CDH1: variants seen among roughly 807,000 people sequenced by gnomAD.
CDH1 encodes the protein cadherin-1.
In CDH1, 35 loss-of-function variants were observed where a neutral mutation model predicts 84.5. That is an observed-to-expected ratio of 0.41 (90% CI 0.32 to 0.55). The LOEUF is 0.55. Ranked by LOEUF, CDH1 falls within the 20% of genes least tolerant of loss-of-function variation. The pLI, the probability that CDH1 is intolerant of heterozygous loss-of-function variation, is 0.19. For missense variants in CDH1, 994 were observed against 1,126.6 expected, an observed-to-expected ratio of 0.88 and a Z score of 1.68; for synonymous variants, 417 against 439.0, an observed-to-expected ratio of 0.95 and a Z score of 0.63.
chr16:68,787,151 T>C (rs1960075288), intron 2 of CDH1, among the ~76,000 whole-genome samples: 1 of 152,214 alleles, frequency 6.6e-6, no homozygotes, highest in Admixed American at 6.5e-5. Context: ...GTGTTTTTTA[T>C]AGAGAATAAA....
In CDH1 at chr16:68,808,888, T is replaced by C. The variant is rs764129221; in HGVS notation, c.687+40T>C. 4 of 1,608,656 alleles carry C rather than the reference T, an allele frequency of 2.5e-6. No individual in the cohort carries two copies. The South Asian group carries it at 3.3e-5, about 13-fold the overall frequency. On this transcript the variant is annotated intron_variant, in intron 5 of 15. Transcript: ENST00000261769. ...GAAGCTTGTTGACACCGGGGTAACA[T>C]CCACCCAGGATTTTTTGGTCAACCC... is the stretch of plus-strand genomic sequence containing the variant.
intron 15 of CDH1, among the ~76,000 whole-genome samples, chr16:68,831,457 C>G (rs1961482588): frequency 6.6e-6 from 1 of 151,896 alleles, no homozygotes; most frequent in African/African-American, 2.4e-5. Flanking sequence ...AGTGATCAAG[C>G]CACATTCATT....
chr16:68,753,105 C>T (rs1047185717), intron 2 of CDH1, among the ~76,000 whole-genome samples: 13 of 147,468 alleles, frequency 8.8e-5, no homozygotes, highest in East Asian at 4.3e-4. Flanking sequence ...CCCAGCACTT[C>T]GGGAGGCCGA....
At chr16:68,820,508 G>A (rs775125672) in intron 11 of CDH1, among the ~76,000 whole-genome samples, 1 of 151,840 alleles carries the variant, frequency 6.6e-6, no homozygotes, top group Non-Finnish European at 1.5e-5. Context: ...GCACCACCAC[G>A]CCCAGCTAAT....
chr16:68,758,809 ATT>A (rs71268475), intron 2 of CDH1, among the ~76,000 whole-genome samples: 2 of 142,360 alleles, frequency 1.4e-5, no homozygotes, highest in African/African-American at 2.6e-5. Context: ...TTTGAGTGCA[ATT>A]TTTTTTTTTT....
At chr16:68,827,094 A>G (rs1229454045) in intron 13 of CDH1, among the ~76,000 whole-genome samples, 4 of 151,822 alleles carry the variant, frequency 2.6e-5, no homozygotes, top group Non-Finnish European at 4.4e-5. Flanking sequence ...AACATAGTGA[A>G]ACCCTGTCTC....
At chr16:68,773,714 C>T (rs962333599) in intron 2 of CDH1, among the ~76,000 whole-genome samples, 1 of 152,188 alleles carries the variant, frequency 6.6e-6, no homozygotes, top group African/African-American at 2.4e-5. Flanking sequence ...TAAACTGAGG[C>T]TCTGAGAGGT....
rs35236080 is a variant in CDH1, at chr16:68,829,807, C to T, written c.2439+10C>T. 7.8e-4 allele frequency: 1,253 copies of T among 1,613,348 alleles called. 2 individuals carry two copies. Among genetic ancestry groups the T allele is most frequent in the Non-Finnish European group, 1.0e-3 (1,188 of 1,179,834 alleles). On this transcript the variant is annotated intron_variant, in intron 15 of 15. Transcript: ENST00000261769. ...AAATTTTATTGATGAAGTAAGTAATCCACGTGGAAAGCCAAAGCATGGCTC... is the reference window on the plus strand; with the variant it reads ...AAATTTTATTGATGAAGTAAGTAATTCACGTGGAAAGCCAAAGCATGGCTC...
intron 2 of CDH1, among the ~76,000 whole-genome samples, chr16:68,790,947 C>G (rs1960190268): frequency 6.6e-6 from 1 of 152,174 alleles, no homozygotes; most frequent in African/African-American, 2.4e-5. Flanking sequence ...TGATTTAAAA[C>G]TAAGTTCCCT....
At chr16:68,795,534 A>G (rs1490721371) in intron 2 of CDH1, among the ~76,000 whole-genome samples, 3 of 150,604 alleles carry the variant, frequency 2.0e-5, no homozygotes, top group Non-Finnish European at 4.4e-5. Context: ...TTGCTCTGTC[A>G]CCTACACTGG....
chr16:68,755,488 C>T (rs1962995756), intron 2 of CDH1, among the ~76,000 whole-genome samples: 1 of 151,550 alleles, frequency 6.6e-6, no homozygotes, highest in Non-Finnish European at 1.5e-5. Flanking sequence ...TTAAGCAATA[C>T]CCCCGCCTTG....
intron 2 of CDH1, among the ~76,000 whole-genome samples, chr16:68,781,118 C>G (rs996461429): frequency 2.0e-5 from 3 of 152,204 alleles, no homozygotes; most frequent in African/African-American, 4.8e-5. Flanking sequence ...TTTTGACCAC[C>G]CTGTCCCCAC....
At chr16:68,818,253 A>AAG (rs1961036210) in intron 10 of CDH1, among the ~76,000 whole-genome samples, 1 of 149,878 alleles carries the variant, frequency 6.7e-6, no homozygotes, top group Non-Finnish European at 1.5e-5. Context: ...AAAAAAAAAA[A>AAG]AGAAAAGAAA....
rs3074434 is a variant in CDH1 at position 68,786,534 on chromosome 16, C to CTTTTTTTTTTTTTTTTTTTTTTTTT, written c.164-15117_164-15116insTTTTTTTTTTTTTTTTTTTTTTTTT. 7.8e-4 allele frequency among the ~76,000 whole-genome samples: 58 copies of CTTTTTTTTTTTTTTTTTTTTTTTTT among 73,934 alleles called. 1 individual carries two copies. Among genetic ancestry groups the CTTTTTTTTTTTTTTTTTTTTTTTTT allele is most frequent in the South Asian group, 1.2e-3 (2 of 1,720 alleles). The allele number at this position is 73,934 out of a possible 152,430, so 48.5% of individuals were successfully genotyped here. A position where few individuals can be genotyped will look rare whatever the true frequency, so the allele number is the denominator to read the frequency against. The stretch of plus-strand genomic sequence containing the variant: ...CTTTCTGCTTTCTTTTTTTTTTTTT[C>CTTTTTTTTTTTTTTTTTTTTTTTTT]TTTTTTTTTTTTTTTTTTTGGTATT... On this transcript the variant is annotated intron_variant, in intron 2 of 15. Transcript: ENST00000261769.
At chr16:68,743,314 T>C (rs916307213) in intron 2 of CDH1, among the ~76,000 whole-genome samples, 1 of 19,828 alleles carries the variant, frequency 5.0e-5, no homozygotes, top group Non-Finnish European at 1.2e-4. Context: ...TTTCTTTCTT[T>C]CTTTCTTTCT....
At chr16:68,809,900 C>G (rs917534388) in intron 5 of CDH1, among the ~76,000 whole-genome samples, 1 of 152,142 alleles carries the variant, frequency 6.6e-6, no homozygotes, top group Non-Finnish European at 1.5e-5. Flanking sequence ...AAGTTTCACC[C>G]GGCATGGAAT....
chr16:68,826,755 C>A (rs1408764856), intron 13 of CDH1, among the ~76,000 whole-genome samples: 1 of 152,186 alleles, frequency 6.6e-6, no homozygotes, highest in African/African-American at 2.4e-5. Flanking sequence ...AAACGGTAAA[C>A]TGCCTCTTGC....
chr16:68,737,469 C>T lies in CDH1; in HGVS notation c.48+6C>T, dbSNP rs3743674. Reference sequence around the variant, plus strand: ...CGCTGCTGCTGCTGCTGCAGGTACCCCGGATCCCCTGACTTGCGAGGGACG... The same window carrying T: ...CGCTGCTGCTGCTGCTGCAGGTACCTCGGATCCCCTGACTTGCGAGGGACG... On this transcript the variant is annotated splice_donor_region_variant and intron_variant, in intron 1 of 15. Transcript: ENST00000261769. 0.86 allele frequency: 1,322,470 copies of T among 1,537,000 alleles called. 572,289 individuals carry two copies. The highest frequency in any genetic ancestry group is 0.89 in the Non-Finnish European group (1,017,773 of 1,148,298).
intron 15 of CDH1, among the ~76,000 whole-genome samples, 187 bp from the exon 16 acceptor site, chr16:68,833,103 C>T (rs973439744): frequency 3.3e-5 from 5 of 152,228 alleles, no homozygotes; most frequent in African/African-American, 7.2e-5. Context: ...CCATCAACAA[C>T]ATATCCTGTG....
Sources: gnomAD v4.1 joint callset for allele counts (sites outside exome capture counted in the v4.1 genomes callset) on GRCh38, gnomAD v4.1.1 for gene constraint, MANE v1.5 for transcripts, NCBI Gene and HGNC (gene_info 2026-07-23, HGNC 2026-07-21) for gene names.